Variants in VCPIP1 observed in about 807,000 individuals in gnomAD.
VCPIP1 encodes valosin containing protein interacting protein 1, also known as deubiquitinating protein VCPIP1.
A neutral mutation model predicts 85.0 loss-of-function variants in VCPIP1; 8 were observed. The ratio of observed to expected loss-of-function variants is 0.09; its 90% CI spans 0.06 to 0.17. The LOEUF is 0.17. Among genes scored for constraint, VCPIP1 ranks in the 10% least tolerant of loss-of-function variants. The probability of loss-of-function intolerance (pLI) is 1.00; values close to 1 mark genes in which losing one functional copy is unlikely to be tolerated. For synonymous variants in VCPIP1, 543 were observed against 544.5 expected (o/e 1.00, Z 0.04); for missense variants, 1,070 against 1,486.3 (o/e 0.72, Z 4.61).
At chr8:66,654,005 A>G (rs1434484680) in intron 1 of VCPIP1, among the ~76,000 whole-genome samples, 8 of 152,192 alleles carry the variant, frequency 5.3e-5, no homozygotes, top group Admixed American at 2.6e-4. Flanking sequence ...CCAAGCTCTG[A>G]GCAGGCTCTT....
intron 1 of VCPIP1, among the ~76,000 whole-genome samples, chr8:66,660,553 T>G (rs541004591): frequency 3.0e-4 from 46 of 152,342 alleles, no homozygotes; most frequent in Admixed American, 2.6e-3. Context: ...TATTCTAAAC[T>G]AACATAACAC....
chr8:66,636,978 T>C (rs1309087881), intron 2 of VCPIP1, among the ~76,000 whole-genome samples: 2 of 152,202 alleles, frequency 1.3e-5, no homozygotes, highest in African/African-American at 4.8e-5. Flanking sequence ...AACATGTATG[T>C]ATAAGACAAA....
Position 66,667,190 on chromosome 8 carries a change from GCACTCACACT to G in VCPIP1, c.-242_-233del. 1.2e-6 allele frequency: 1 copy of G among 800,104 alleles called. No individual in the cohort carries two copies. The highest frequency in any genetic ancestry group is 1.8e-6 in the Non-Finnish European group (1 of 545,188). The allele number at this position is 800,104 out of a possible 1,614,324, so 49.6% of individuals were successfully genotyped here. The stretch of plus-strand genomic sequence containing the variant: ...AACGTAACGGCCACCACCCCACCCC[GCACTCACACT>G]CACTCACTCTCGCTCTCTCTCCCTC... On this transcript the variant is annotated 5_prime_UTR_variant, in exon 1 of 3. Coordinates refer to ENST00000310421, the MANE Select transcript of VCPIP1 (RefSeq NM_025054.5).
chr8:66,636,527 G>A (rs2130144516), intron 2 of VCPIP1, among the ~76,000 whole-genome samples: 1 of 152,056 alleles, frequency 6.6e-6, no homozygotes, highest in South Asian at 2.1e-4. Flanking sequence ...GGCAGATCAT[G>A]AGGTCAGGAG....
chr8:66,666,631 G>C lies in VCPIP1; in HGVS notation c.328C>G (p.Pro110Ala). 1 of 1,614,118 alleles carries C rather than the reference G, an allele frequency of 6.2e-7. No individual in the cohort carries two copies. Among genetic ancestry groups the C allele is most frequent in the South Asian group, 1.1e-5 (1 of 91,076 alleles). The change falls in exon 1 of 3, where the codon CCC becomes GCC. Residue 110 changes from proline (P) to alanine (A), a missense_variant. By Grantham distance (27) the Pro-to-Ala change is conservative. Coordinates refer to ENST00000310421, the MANE Select transcript of VCPIP1 (RefSeq NM_025054.5). This position sits in a 1 kb window ranked among gnomAD's most constrained non-coding sequence, Gnocchi z 6.3. ...TTTACCAGTTCCGTGTTCTTCTTGG[G>C]TGCCCCCGTAACCCCGAGCAGCGCG... ...RNALLGVTGA[P>A]KKNTELVKVM...
chr8:66,651,134 G>A (rs1443015639), intron 2 of VCPIP1, among the ~76,000 whole-genome samples: 3 of 145,570 alleles, frequency 2.1e-5, no homozygotes, highest in Non-Finnish European at 4.5e-5. Flanking sequence ...GCAGTGAGCC[G>A]AGATCGCGCC....
rs774673882 is a variant in VCPIP1, at chr8:66,666,860, C to A, written c.99G>T (p.Ser33=). The A allele has an allele frequency of 1.2e-6, 2 of 1,613,004 alleles. No homozygotes were observed. The highest frequency in any genetic ancestry group is 2.2e-5 in the East Asian group (1 of 44,892). The change falls in exon 1 of 3, where the codon TCG becomes TCT. Residue 33 remains serine (S), a synonymous_variant. Coordinates refer to ENST00000310421, the MANE Select transcript of VCPIP1 (RefSeq NM_025054.5). This position sits in a 1 kb window ranked among gnomAD's most constrained non-coding sequence, Gnocchi z 6.3. ...GGTCTCTCCGCTTCAAAAGCCCCCCCGAAGCAGCCGCCGACGCCAAGGACG... is the reference window on the plus strand; with the variant it reads ...GGTCTCTCCGCTTCAAAAGCCCCCCAGAAGCAGCCGCCGACGCCAAGGACG... ...TPSSLASAAA[S]GGLLKRRDRR... is the part of the protein sequence containing the mutation.
In VCPIP1 at chr8:66,633,967, T is replaced by C. The variant is rs763536091; in HGVS notation, c.*534A>G. On this transcript the variant is annotated 3_prime_UTR_variant, in exon 3 of 3. Coordinates refer to ENST00000310421, the MANE Select transcript of VCPIP1 (RefSeq NM_025054.5). ...CTCAAGATATTTTCGCCAAGAAATCTCTATGAATGTGTTTACGTTCATAGA... is the reference window on the plus strand; with the variant it reads ...CTCAAGATATTTTCGCCAAGAAATCCCTATGAATGTGTTTACGTTCATAGA... 1 of 152,278 alleles carries C rather than the reference T, an allele frequency of 6.6e-6. No homozygotes were observed. The highest frequency in any genetic ancestry group is 1.5e-5 in the Non-Finnish European group (1 of 68,066). The allele number at this position is 152,278 out of a possible 1,614,324, so 9.4% of individuals were successfully genotyped here.
Position 66,667,179 on chromosome 8 carries a change from C to A in VCPIP1, c.-221G>T. 1 of 924,836 alleles carries A rather than the reference C, an allele frequency of 1.1e-6. No individual in the cohort carries two copies. The highest frequency in any genetic ancestry group is 3.3e-5 in the Admixed American group (1 of 30,094). 57.3% of individuals were successfully genotyped at this position (924,836 alleles called of 1,614,324 possible). ...CCGTTGCCCCGAACGTAACGGCCAC[C>A]ACCCCACCCCGCACTCACACTCACT... On this transcript the variant is annotated 5_prime_UTR_variant, in exon 1 of 3. Transcript: ENST00000310421.
At chr8:66,636,539 T>A (rs1810888938) in intron 2 of VCPIP1, among the ~76,000 whole-genome samples, 1 of 151,852 alleles carries the variant, frequency 6.6e-6, no homozygotes, top group Non-Finnish European at 1.5e-5. Context: ...GGTCAGGAGT[T>A]TGAGACCAGC....
At chr8:66,644,283 C>T (rs1050718130) in intron 2 of VCPIP1, among the ~76,000 whole-genome samples, 1 of 152,146 alleles carries the variant, frequency 6.6e-6, no homozygotes, top group East Asian at 1.9e-4. Context: ...ACAGTCATTA[C>T]AAGAAAACTA....
intron 1 of VCPIP1, among the ~76,000 whole-genome samples, chr8:66,661,504 G>A (rs1416790212): frequency 6.6e-6 from 1 of 152,064 alleles, no homozygotes; most frequent in Admixed American, 6.5e-5. Context: ...GGGAGGCCGA[G>A]GCGGGCGGTT....
rs759133422 is a variant in VCPIP1, at chr8:66,665,961, G to A, written c.998C>T (p.Thr333Ile). The A allele has an allele frequency of 4.3e-6, 7 of 1,614,186 alleles. No homozygotes were observed. In the Admixed American group the frequency reaches 1.2e-4, roughly 27 times the overall value. ...TTTGTTCAAATGACCATCTTTCCCA[G>A]TGCACTTCTCTGCAGGGATGAGCCC... ...LPGLIPAEKC[T>I]GKDGHLNKPI... The change falls in exon 1 of 3, where the codon ACT (threonine) becomes ATT (isoleucine). Residue 333 changes from threonine to isoleucine, a missense_variant. Thr to Ile is a moderately conservative substitution (Grantham distance 89). Around this residue, in one of 8 missense-constraint regions of VCPIP1, gnomAD observed 118 missense variants for 337.1 expected, o/e 0.35. Transcript: ENST00000310421. This position sits in a 1 kb window ranked among gnomAD's most constrained non-coding sequence, Gnocchi z 4.3.
At chr8:66,646,204 C>A (rs1810994282) in intron 2 of VCPIP1, among the ~76,000 whole-genome samples, 1 of 151,776 alleles carries the variant, frequency 6.6e-6, no homozygotes, top group South Asian at 2.1e-4. Flanking sequence ...TCCCAAATAG[C>A]TGGGATTATG....
intron 1 of VCPIP1, among the ~76,000 whole-genome samples, chr8:66,657,623 G>T (rs1314850585): frequency 6.6e-6 from 1 of 152,148 alleles, no homozygotes. Flanking sequence ...ACACAGACAT[G>T]CACACAAACT....
At chr8:66,641,488 G>A (rs946491960) in intron 2 of VCPIP1, among the ~76,000 whole-genome samples, 1 of 151,998 alleles carries the variant, frequency 6.6e-6, no homozygotes, top group Non-Finnish European at 1.5e-5. Flanking sequence ...CAGCCTCCCA[G>A]TGCTGGGATT....
intron 1 of VCPIP1, among the ~76,000 whole-genome samples, chr8:66,661,294 G>C (rs1223869785): frequency 6.6e-6 from 1 of 152,076 alleles, no homozygotes; most frequent in African/African-American, 2.4e-5. Flanking sequence ...ATATGAAGAG[G>C]GAAGGGATCA....
At chr8:66,641,469 C>A (rs1046193364) in intron 2 of VCPIP1, among the ~76,000 whole-genome samples, 2 of 152,126 alleles carry the variant, frequency 1.3e-5, no homozygotes, top group African/African-American at 4.8e-5. Flanking sequence ...TCAACAGATC[C>A]TTCCACCTCA....
chr8:66,653,239 CAAAT>C (rs1171541604), intron 1 of VCPIP1, among the ~76,000 whole-genome samples: 1 of 152,136 alleles, frequency 6.6e-6, no homozygotes, highest in Non-Finnish European at 1.5e-5. Context: ...TAAGAGTCCA[CAAAT>C]AAAGAAATAT....
Sources: gnomAD v4.1 joint callset for allele counts (sites outside exome capture counted in the v4.1 genomes callset) on GRCh38, gnomAD v4.1.1 for gene constraint, gnomAD v4.1.1 regional missense constraint, Gnocchi (gnomAD v3.1) non-coding constraint, MANE v1.5 for transcripts, NCBI Gene and HGNC (gene_info 2026-07-23, HGNC 2026-07-21) for gene names.